C2CD5: variants seen among roughly 807,000 people sequenced by gnomAD.
C2CD5 encodes C2 domain-containing protein 5.
C2CD5 carries 109 observed loss-of-function variants against 130.3 expected under a neutral mutation model. That is an observed-to-expected ratio of 0.84 (90% confidence interval 0.72 to 0.98). C2CD5 has a LOEUF of 0.98. Among genes scored for constraint, C2CD5 ranks in the 50% least tolerant of loss-of-function variants. The probability of loss-of-function intolerance (pLI) is 0.00; values close to 1 mark genes in which losing one functional copy is unlikely to be tolerated. For synonymous variants in C2CD5, 454 were observed against 429.2 expected, an observed-to-expected ratio of 1.06 and a Z score of -0.71; for missense variants, 996 against 1,261.8, an observed-to-expected ratio of 0.79 and a Z score of 3.19.
chr12:22,531,276 T>C (rs1341622558), intron 3 of C2CD5, among the ~76,000 whole-genome samples: 1 of 152,186 alleles, frequency 6.6e-6, no homozygotes, highest in African/African-American at 2.4e-5. Flanking sequence ...AAAGAAAAAT[T>C]TGTACATATA....
In C2CD5 at chr12:22,529,406, C is replaced by A. The variant is rs149292324; in HGVS notation, c.178-1514G>T. 2.8e-3 allele frequency among the ~76,000 whole-genome samples: 429 copies of A among 152,236 alleles called. 2 individuals carry two copies. The highest frequency in any genetic ancestry group is 0.01 in the African/African-American group (424 of 41,518). ...TCTCTGTATATACTTATTTAACCAC[C>A]TGTACATTCACCTCTGAGTATTATT... is the stretch of plus-strand genomic sequence containing the variant. On this transcript the variant is annotated intron_variant, in intron 3 of 26. Coordinates refer to ENST00000446597, the MANE Select transcript of C2CD5 (RefSeq NM_001286176.2).
At chr12:22,529,745 C>T (rs931409646) in intron 3 of C2CD5, among the ~76,000 whole-genome samples, 2 of 152,050 alleles carry the variant, frequency 1.3e-5, no homozygotes, top group Admixed American at 1.3e-4. Flanking sequence ...TAAATCATTA[C>T]AGAGAGCTTG....
chr12:22,537,309 A>G (rs930821648), intron 2 of C2CD5, among the ~76,000 whole-genome samples: 9 of 152,224 alleles, frequency 5.9e-5, no homozygotes, highest in African/African-American at 2.2e-4. Context: ...CTGCTACTCA[A>G]GAAGCTAAGG....
At chr12:22,523,753 C>T in intron 6 of C2CD5, 129 bp from the exon 7 acceptor site, 3 of 673,228 alleles carry the variant, frequency 4.5e-6, no homozygotes. Flanking sequence ...TTGAAGGAAA[C>T]TTAAAAGATA....
chr12:22,541,721 A>G (rs931554161), intron 2 of C2CD5, among the ~76,000 whole-genome samples: 13 of 152,004 alleles, frequency 8.6e-5, no homozygotes, highest in African/African-American at 2.4e-4. Context: ...TGATTACTCA[A>G]CCTAAAGTAG....
rs1246713024 is a variant in C2CD5, at chr12:22,493,132, TTC to T, written c.1262+89_1262+90del. ...GCCCATGCTCCTGAACACTTCGCTA[TTC>T]TCTTTTCTTTTATTTGCATGAAGCT... On this transcript the variant is annotated intron_variant, in intron 11 of 26. Coordinates refer to ENST00000446597, the MANE Select transcript of C2CD5 (RefSeq NM_001286176.2). The T allele has an allele frequency of 2.7e-5, 20 of 728,864 alleles. No individual in the cohort carries two copies. The East Asian group carries it at 3.8e-4, about 14-fold the overall frequency. 45.1% of individuals were successfully genotyped at this position (728,864 alleles called of 1,614,324 possible).
rs764838485 is a variant in C2CD5, at chr12:22,469,717, G to A, written c.2525C>T (p.Pro842Leu). 3 of 1,596,668 alleles carry A rather than the reference G, an allele frequency of 1.9e-6. No homozygotes were observed. In the South Asian group the frequency reaches 3.4e-5, roughly 18 times the overall value. Residue 842 changes from proline to leucine, a missense_variant, in exon 22 of 27, where the codon CCA becomes CTA. This residue lies in a region of C2CD5 where 590 missense variants were observed against 631.4 expected (regional missense o/e 0.93). Transcript: ENST00000446597. ...TCCCTCACTTAACCAACCTTTAGCT[G>A]GTGGAAAAGGATGAGAAGGAAGTGA... ...SDSLPSHPFPPAKEHLESASS... is the reference protein window; with the variant it reads ...SDSLPSHPFPLAKEHLESASS...
At chr12:22,485,939 T>G (rs545832623) in intron 12 of C2CD5, among the ~76,000 whole-genome samples, 1 of 152,174 alleles carries the variant, frequency 6.6e-6, no homozygotes, top group African/African-American at 2.4e-5. Flanking sequence ...TTTTAAAAAT[T>G]TAATGAAGAA....
chr12:22,535,047 ACTT>A lies in C2CD5; in HGVS notation c.177+208_177+210del, dbSNP rs1457963908. On this transcript the variant is annotated intron_variant, in intron 3 of 26. Coordinates refer to ENST00000446597, the MANE Select transcript of C2CD5 (RefSeq NM_001286176.2). ...TAATAATAATATAATACATCTGAAGACTTCTTTTGTTAATGTGTTATCATATAC... is the reference window on the plus strand; with the variant it reads ...TAATAATAATATAATACATCTGAAGACTTTTGTTAATGTGTTATCATATAC... 8 of 412,244 alleles carry A rather than the reference ACTT, an allele frequency of 1.9e-5. No homozygotes were observed. The Admixed American group carries it at 3.0e-4, about 15-fold the overall frequency. The allele number at this position is 412,244 out of a possible 1,614,324, so 25.5% of individuals were successfully genotyped here. A position where few individuals can be genotyped will look rare whatever the true frequency, so the allele number is the denominator to read the frequency against.
chr12:22,450,364 G>A (rs1266241906), intron 26 of C2CD5, among the ~76,000 whole-genome samples: 1 of 151,990 alleles, frequency 6.6e-6, no homozygotes, highest in Non-Finnish European at 1.5e-5. Context: ...ATGCAACAAA[G>A]ATTAATAAGT....
intron 10 of C2CD5, among the ~76,000 whole-genome samples, chr12:22,498,854 C>G (rs990162688): frequency 3.9e-5 from 6 of 152,116 alleles, no homozygotes; most frequent in African/African-American, 1.4e-4. Flanking sequence ...CTATCTCCCA[C>G]TAATAAACAA....
intron 2 of C2CD5, among the ~76,000 whole-genome samples, chr12:22,538,906 G>A (rs1186004499): frequency 6.6e-6 from 1 of 152,044 alleles, no homozygotes; most frequent in East Asian, 1.9e-4. Flanking sequence ...ACTTAAGTCT[G>A]TATCAAGCAT....
chr12:22,496,368 T>C (rs998039366), intron 10 of C2CD5, among the ~76,000 whole-genome samples: 2 of 152,026 alleles, frequency 1.3e-5, no homozygotes, highest in Non-Finnish European at 2.9e-5. Context: ...ATTATTTTAT[T>C]CATCCTAAAA....
chr12:22,517,241 T>C (rs946680679), intron 8 of C2CD5, among the ~76,000 whole-genome samples: 1 of 151,770 alleles, frequency 6.6e-6, no homozygotes, highest in Non-Finnish European at 1.5e-5. Context: ...AAAAATACTA[T>C]TTATAAAAAT....
rs548237076 is a variant in C2CD5, at chr12:22,472,271, G to A, written c.2169+15C>T. On this transcript the variant is annotated intron_variant, in intron 18 of 26. Transcript: ENST00000446597. ...TTATGTGTTATGTGCTTAAAATTAAGAAAAAAAGGTTTACCTGTATTTCAG... is the reference window on the plus strand; with the variant it reads ...TTATGTGTTATGTGCTTAAAATTAAAAAAAAAAGGTTTACCTGTATTTCAG... 6.6e-5 allele frequency: 94 copies of A among 1,425,796 alleles called. No homozygotes were observed. In the South Asian group the frequency reaches 1.1e-3, roughly 17 times the overall value. 88.3% of individuals were successfully genotyped at this position (1,425,796 alleles called of 1,614,324 possible).
chr12:22,501,465 A>G (rs1947786171), intron 10 of C2CD5, among the ~76,000 whole-genome samples: 1 of 152,180 alleles, frequency 6.6e-6, no homozygotes, highest in Admixed American at 6.5e-5. Flanking sequence ...AATGGTCAAT[A>G]TGCTCTCAAT....
intron 10 of C2CD5, among the ~76,000 whole-genome samples, chr12:22,499,476 A>C (rs1244497599): frequency 6.6e-6 from 1 of 152,174 alleles, no homozygotes; most frequent in Non-Finnish European, 1.5e-5. Flanking sequence ...TTGAGGATTA[A>C]ATGGTCTACT....
rs534503980 is a variant in C2CD5 at position 22,509,992 on chromosome 12, G to A, written c.1039-3173C>T. Among the ~76,000 whole-genome samples the A allele has an allele frequency of 3.9e-5, 6 of 152,240 alleles. No homozygotes were observed. The South Asian group carries it at 1.2e-3, about 32-fold the overall frequency. Reference sequence around the variant, plus strand: ...GGCTGAGGTAGGTGGATCACCTGAGGTTAGGAGTTCAAGACCAGCCTGGTC... The same window carrying A: ...GGCTGAGGTAGGTGGATCACCTGAGATTAGGAGTTCAAGACCAGCCTGGTC... On this transcript the variant is annotated intron_variant, in intron 9 of 26. Transcript: ENST00000446597.
intron 22 of C2CD5, among the ~76,000 whole-genome samples, chr12:22,461,318 T>C (rs182739135): frequency 9.4e-4 from 143 of 152,288 alleles, no homozygotes; most frequent in African/African-American, 3.0e-3. Flanking sequence ...ATTCTGTGCA[T>C]TTTTTTAAAC....
Sources: allele counts gnomAD v4.1 joint callset (sites outside exome capture counted in the v4.1 genomes callset), GRCh38; gene constraint gnomAD v4.1.1; regional missense constraint gnomAD v4.1.1; transcripts MANE v1.5; gene names NCBI Gene and HGNC (gene_info 2026-07-23, HGNC 2026-07-21).